Variants in HMGCLL1 observed in about 807,000 individuals in gnomAD.
HMGCLL1 encodes the protein 3-hydroxymethyl-3-methylglutaryl-CoA lyase, cytoplasmic.
Under a neutral mutation model 39.1 loss-of-function variants are expected in HMGCLL1, and 36 were observed. That is an observed-to-expected ratio of 0.92 (90% CI 0.71 to 1.22). The LOEUF is 1.22. Ranked by LOEUF, HMGCLL1 falls within the 50% of genes most tolerant of loss-of-function variation. The pLI, the probability that HMGCLL1 is intolerant of heterozygous loss-of-function variation, is 0.00. For missense variants in HMGCLL1, 451 were observed against 416.5 expected (o/e 1.08, Z -0.72); for synonymous variants, 149 against 144.0 (o/e 1.03, Z -0.25).
intron 3 of HMGCLL1, among the ~76,000 whole-genome samples, chr6:55,530,412 T>C: frequency 6.6e-6 from 1 of 152,058 alleles, no homozygotes. Context: ...TGAAAATACC[T>C]AATATCCATA....
chr6:55,504,224 T>C (rs372215101), intron 5 of HMGCLL1, among the ~76,000 whole-genome samples: 4 of 151,728 alleles, frequency 2.6e-5, no homozygotes, highest in East Asian at 3.9e-4. Context: ...CTTTGCTCTT[T>C]GTAGATTCCC....
chr6:55,549,347 T>A (rs1012128315), intron 1 of HMGCLL1, among the ~76,000 whole-genome samples: 1 of 150,380 alleles, frequency 6.6e-6, no homozygotes, highest in Non-Finnish European at 1.5e-5. Context: ...ACTACGAAAA[T>A]TGTTTTTGCC....
At chr6:55,563,912 C>T (rs1477923924) in intron 1 of HMGCLL1, 4 of 1,286,278 alleles carry the variant, frequency 3.1e-6, no homozygotes, top group Non-Finnish European at 1.0e-6. Flanking sequence ...CAGACTGAAG[C>T]TCCTTTGGAG....
At chr6:55,518,555 T>C (rs1767868436) in intron 3 of HMGCLL1, among the ~76,000 whole-genome samples, 2 of 152,138 alleles carry the variant, frequency 1.3e-5, no homozygotes, top group Admixed American at 1.3e-4. Context: ...CTATATGACT[T>C]CTGAAGCCAG....
At chr6:55,541,887 G>T in intron 2 of HMGCLL1, 51 bp from the exon 3 acceptor site, 1 of 1,125,060 alleles carries the variant, frequency 8.9e-7, no homozygotes, top group Non-Finnish European at 1.3e-6. Context: ...TCCTATTTAA[G>T]CACAAACAGA....
chr6:55,515,323 A>G (rs1767679928), intron 4 of HMGCLL1, among the ~76,000 whole-genome samples: 1 of 152,074 alleles, frequency 6.6e-6, no homozygotes, highest in African/African-American at 2.4e-5. Context: ...TCAAACATTT[A>G]AAAAATATTG....
chr6:55,462,233 C>T (rs1478694383), intron 7 of HMGCLL1, among the ~76,000 whole-genome samples: 2 of 152,122 alleles, frequency 1.3e-5, no homozygotes, highest in African/African-American at 4.8e-5. Flanking sequence ...TGAATTACTC[C>T]TCGTCTAAAA....
At chr6:55,530,438 TCTA>T (rs1188915853) in intron 3 of HMGCLL1, among the ~76,000 whole-genome samples, 2 of 152,078 alleles carry the variant, frequency 1.3e-5, no homozygotes, top group African/African-American at 4.8e-5. Context: ...TATAAAATAT[TCTA>T]CTATTCTAAA....
the HMGCLL1 span, among the ~76,000 whole-genome samples, chr6:55,645,441 T>C: frequency 6.6e-6 from 1 of 151,972 alleles, no homozygotes; most frequent in Admixed American, 6.6e-5. Flanking sequence ...CTAAGTTCAA[T>C]AACAGTGGTG....
chr6:55,543,440 T>A (rs1364360247), intron 1 of HMGCLL1, among the ~76,000 whole-genome samples: 1 of 8,448 alleles, frequency 1.2e-4, no homozygotes, highest in Non-Finnish European at 3.6e-4. Context: ...ATATATCATA[T>A]ATGATATATA....
At chr6:55,667,055 T>C in the HMGCLL1 span, among the ~76,000 whole-genome samples, 1 of 151,646 alleles carries the variant, frequency 6.6e-6, no homozygotes, top group East Asian at 1.9e-4. Context: ...GCATTGTATC[T>C]TGTGTTTGAA....
At chr6:55,628,354 C>T in the HMGCLL1 span, among the ~76,000 whole-genome samples, 19 of 148,162 alleles carry the variant, frequency 1.3e-4, no homozygotes, top group South Asian at 6.4e-4. Flanking sequence ...TAGGCTGGAG[C>T]GCAGTGGCAC....
the HMGCLL1 span, among the ~76,000 whole-genome samples, chr6:55,632,333 C>G: frequency 6.6e-6 from 1 of 151,662 alleles, no homozygotes; most frequent in East Asian, 1.9e-4. Context: ...AATACAGCTA[C>G]TCATAATAAG....
chr6:55,660,203 A>C, the HMGCLL1 span, among the ~76,000 whole-genome samples: 1 of 151,958 alleles, frequency 6.6e-6, no homozygotes, highest in South Asian at 2.1e-4. Flanking sequence ...AGAAAAAGCC[A>C]GGTACAATCA....
chr6:55,501,958 C>T (rs1244505589), intron 5 of HMGCLL1, among the ~76,000 whole-genome samples: 1 of 151,762 alleles, frequency 6.6e-6, no homozygotes, highest in African/African-American at 2.4e-5. Flanking sequence ...TACCCAGACC[C>T]GTTCCAAATG....
chr6:55,498,978 A>G (rs1385548169), intron 6 of HMGCLL1, among the ~76,000 whole-genome samples: 1 of 152,116 alleles, frequency 6.6e-6, no homozygotes, highest in African/African-American at 2.4e-5. Flanking sequence ...AACAAAATGT[A>G]TATTTTTATT....
chr6:55,636,895 C>T, the HMGCLL1 span, among the ~76,000 whole-genome samples: 4,465 of 152,150 alleles, frequency 0.029, 233 homozygotes, highest in African/African-American at 0.1. Flanking sequence ...GAGTATAGGA[C>T]GGTACAAAGG....
At chr6:55,539,661 C>T (rs1036503192) in intron 3 of HMGCLL1, among the ~76,000 whole-genome samples, 5 of 150,820 alleles carry the variant, frequency 3.3e-5, no homozygotes, top group East Asian at 2.0e-4. Context: ...TGAGGACACA[C>T]GGACACATAG....
the HMGCLL1 span, among the ~76,000 whole-genome samples, chr6:55,626,890 A>G: frequency 6.6e-6 from 1 of 151,916 alleles, no homozygotes; most frequent in Non-Finnish European, 1.5e-5. Flanking sequence ...CAATGTAGGT[A>G]AGGAAGAGTA....
Sources: allele counts gnomAD v4.1 joint callset (sites outside exome capture counted in the v4.1 genomes callset), GRCh38; gene constraint gnomAD v4.1.1; transcripts MANE v1.5; gene names NCBI Gene and HGNC (gene_info 2026-07-23, HGNC 2026-07-21).